FAM120AOS: variants seen among roughly 807,000 people sequenced by gnomAD.
FAM120AOS encodes the protein family with sequence similarity 120 member A opposite strand.
FAM120AOS carries 15 observed loss-of-function variants against 20.2 expected under a neutral mutation model. The ratio of observed to expected loss-of-function variants is 0.74; its 90% CI spans 0.50 to 1.15. The LOEUF is 1.15. Among genes scored for constraint, FAM120AOS ranks in the 50% most tolerant of loss-of-function variants. The pLI is 0.00. For missense variants in FAM120AOS, 327 were observed against 351.9 expected, an observed-to-expected ratio of 0.93 and a Z score of 0.57; for synonymous variants, 154 against 154.0, an observed-to-expected ratio of 1.00 and a Z score of 0.00.
rs147899245 is a variant in FAM120AOS at position 93,444,772 on chromosome 9, G to A, written c.*2839C>T. 5.9e-5 allele frequency among the ~76,000 whole-genome samples: 9 copies of A among 152,092 alleles called. 1 individual carries two copies. The highest frequency in any genetic ancestry group is 1.3e-4 in the Non-Finnish European group (9 of 67,984). ...TGGGATTACAGGCATGTGCCACCAC[G>A]CCTAGCTGATTTTGTATTTTTAGTA... On this transcript the variant is annotated 3_prime_UTR_variant, in exon 3 of 3. Coordinates refer to ENST00000375412, the MANE Select transcript of FAM120AOS (RefSeq NM_198841.4).
Position 93,451,705 on chromosome 9 carries a change from A to AGCG in FAM120AOS, c.563+439_563+441dup, listed in dbSNP as rs1299136962. The stretch of plus-strand genomic sequence containing the variant: ...TCGGCCTCGGCCTCGCAGCGGCGGC[A>AGCG]GCGGCGGCGGCGGCAGGTCCCTCCC... On this transcript the variant is annotated intron_variant, in intron 1 of 2. Coordinates refer to ENST00000375412, the MANE Select transcript of FAM120AOS (RefSeq NM_198841.4). 27 of 970,586 alleles carry AGCG rather than the reference A, an allele frequency of 2.8e-5. No individual in the cohort carries two copies. In the East Asian group the frequency reaches 3.9e-4, roughly 14 times the overall value. 60.1% of individuals were successfully genotyped at this position (970,586 alleles called of 1,614,324 possible).
At chr9:93,450,797 T>A (rs1445475632) in intron 1 of FAM120AOS, 198 bp from the exon 2 acceptor site, 5 of 983,818 alleles carry the variant, frequency 5.1e-6, no homozygotes, top group African/African-American at 3.2e-5. Flanking sequence ...AGAATTTACG[T>A]AAACGACCTC....
intron 1 of FAM120AOS, chr9:93,451,624 C>T (rs936130129): frequency 7.2e-5 from 71 of 982,042 alleles, no homozygotes; most frequent in Non-Finnish European, 8.2e-5. Flanking sequence ...CCGCGCCGGG[C>T]GGGTCCGCTA....
At chr9:93,451,198 C>A in intron 1 of FAM120AOS, 1 of 1,538,808 alleles carries the variant, frequency 6.5e-7, no homozygotes, top group East Asian at 2.5e-5. Context: ...GCAGCAGGCC[C>A]AGAGTGGTGC....
In FAM120AOS at chr9:93,452,443, C is replaced by A. The variant is rs776773791; in HGVS notation, c.267G>T (p.Gly89=). Residue 89 remains glycine (G), a synonymous_variant, in exon 1 of 3, where the codon GGG becomes GGT. Transcript: ENST00000375412. The surrounding 1 kb of genome is among the most constrained non-coding windows in gnomAD (Gnocchi z 7.0). The part of the protein sequence containing the change: ...GRATFCALGR[G]IGVRRGPGPR... Reference sequence around the variant, plus strand: ...GACCGGGGCCGCGCCGCACCCCTATCCCCCTTCCCAGGGCGCAGAATGTCG... The same window carrying A: ...GACCGGGGCCGCGCCGCACCCCTATACCCCTTCCCAGGGCGCAGAATGTCG... 2 of 1,560,190 alleles carry A rather than the reference C, an allele frequency of 1.3e-6. No homozygotes were observed. The highest frequency in any genetic ancestry group is 8.7e-7 in the Non-Finnish European group (1 of 1,155,212).
In FAM120AOS at chr9:93,447,601, C is replaced by T. The variant is rs1588739226; in HGVS notation, c.*10G>A. ...CTTTCAATGCCTCTGCAGAACTTGACCCTAGTTTTTCAAATTGGACTCAAG... is the reference window on the plus strand; with the variant it reads ...CTTTCAATGCCTCTGCAGAACTTGATCCTAGTTTTTCAAATTGGACTCAAG... On this transcript the variant is annotated 3_prime_UTR_variant, in exon 3 of 3. Coordinates refer to ENST00000375412, the MANE Select transcript of FAM120AOS (RefSeq NM_198841.4). 1 of 1,612,740 alleles carries T rather than the reference C, an allele frequency of 6.2e-7. No homozygotes were observed. The highest frequency in any genetic ancestry group is 8.5e-7 in the Non-Finnish European group (1 of 1,179,060).
intron 1 of FAM120AOS, chr9:93,450,831 A>G: frequency 1.1e-6 from 1 of 905,754 alleles, no homozygotes; most frequent in Non-Finnish European, 1.8e-6. Flanking sequence ...CTACTAAAGC[A>G]ACAAGATTCA....
chr9:93,450,949 G>T, intron 1 of FAM120AOS: 1 of 1,354,812 alleles, frequency 7.4e-7, no homozygotes, highest in Non-Finnish European at 1.0e-6. Flanking sequence ...ACAGACCTGT[G>T]CTCTCAAGAC....
chr9:93,452,898 T>C lies in FAM120AOS; in HGVS notation c.-189A>G, dbSNP rs41274394. On this transcript the variant is annotated 5_prime_UTR_variant, in exon 1 of 3. Transcript: ENST00000375412. The surrounding 1 kb of genome is among the most constrained non-coding windows in gnomAD (Gnocchi z 7.0). ...GTGCTGCTGCCGCCGCCCTTGCCAATGTTGTTAGCCCGGTGACAGCGAGAC... is the reference window on the plus strand; with the variant it reads ...GTGCTGCTGCCGCCGCCCTTGCCAACGTTGTTAGCCCGGTGACAGCGAGAC... 26,614 of 1,440,458 alleles carry C rather than the reference T, an allele frequency of 0.018. 315 individuals are homozygous for C. Among genetic ancestry groups the C allele is most frequent in the African/African-American group, 0.031 (2,157 of 69,616 alleles). The allele number at this position is 1,440,458 out of a possible 1,614,324, so 89.2% of individuals were successfully genotyped here.
intron 1 of FAM120AOS, chr9:93,450,883 G>A: frequency 1.0e-6 from 1 of 955,626 alleles, no homozygotes; most frequent in East Asian, 2.6e-5. Context: ...CACTGCAAAG[G>A]CGCACGTTTC....
chr9:93,451,084 G>C (rs1180665741), intron 1 of FAM120AOS: 2 of 1,550,522 alleles, frequency 1.3e-6, no homozygotes, highest in African/African-American at 1.4e-5. Context: ...GCTGGGATGA[G>C]CACCTGCCGC....
chr9:93,450,229 T>G (rs1201836216), intron 2 of FAM120AOS, among the ~76,000 whole-genome samples: 1 of 152,106 alleles, frequency 6.6e-6, no homozygotes, highest in Non-Finnish European at 1.5e-5. Flanking sequence ...TCTCAAATGA[T>G]TCACCCGCCT....
At position 93,450,557 on chromosome 9, in the gene FAM120AOS, G is replaced by A. The variant is rs763507041; in HGVS notation, c.606C>T (p.Ala202=). 23 of 1,607,006 alleles carry A rather than the reference G, an allele frequency of 1.4e-5. No homozygotes were observed. Among genetic ancestry groups the A allele is most frequent in the Non-Finnish European group, 1.9e-5 (22 of 1,176,214 alleles). ...RGAGCNRQAV[A]GQLLPSTWSL... ...TCCATGTGCTGGGCAGCAGCTGTCC[G>A]GCCACAGCCTGTCGGTTGCATCCTG... Residue 202 remains alanine (A), a synonymous_variant, in exon 2 of 3, where the codon GCC becomes GCT. Transcript: ENST00000375412.
At chr9:93,449,492 ATT>A (rs10667664) in intron 2 of FAM120AOS, among the ~76,000 whole-genome samples, 40 of 109,508 alleles carry the variant, frequency 3.7e-4, no homozygotes, top group African/African-American at 1.3e-3. Context: ...TGGCACTGGC[ATT>A]TTTTTTTTTT....
At chr9:93,451,862 C>T (rs1857236133) in intron 1 of FAM120AOS, 2 of 1,038,166 alleles carry the variant, frequency 1.9e-6, no homozygotes, top group Non-Finnish European at 2.3e-6. Context: ...GGCCCCACCA[C>T]CCCCGGCCCC....
At chr9:93,450,416 C>T (rs932389735) in intron 2 of FAM120AOS, 63 bp downstream of exon 2, 2 of 1,512,774 alleles carry the variant, frequency 1.3e-6, no homozygotes. Context: ...AATTTATGTA[C>T]GTATGATACT....
rs917130602 is a variant in FAM120AOS at position 93,445,115 on chromosome 9, CTT to C, written c.*2494_*2495del. ...TTTAGAAGGCATAGCTCTACAGTCT[CTT>C]TGTCTTCTAAGGGCAGGGCATCTTC... On this transcript the variant is annotated 3_prime_UTR_variant, in exon 3 of 3. Transcript: ENST00000375412. Among the ~76,000 whole-genome samples, 2 of 152,150 alleles carry C rather than the reference CTT, an allele frequency of 1.3e-5. No homozygotes were observed. Among genetic ancestry groups the C allele is most frequent in the Admixed American group, 1.3e-4 (2 of 15,274 alleles).
Position 93,445,685 on chromosome 9 carries a change from G to C in FAM120AOS, c.*1926C>G, listed in dbSNP as rs1041091669. Among the ~76,000 whole-genome samples the C allele has an allele frequency of 7.0e-6, 1 of 142,442 alleles. No individual in the cohort carries two copies. The highest frequency in any genetic ancestry group is 1.5e-5 in the Non-Finnish European group (1 of 67,000). The allele number at this position is 142,442 out of a possible 152,430, so 93.4% of individuals were successfully genotyped here. Reference sequence around the variant, plus strand: ...GGCTCACTCCAACCTCCACCACCTTGGCTCAAGTAGTCTTCCCACCTCAGC... The same window carrying C: ...GGCTCACTCCAACCTCCACCACCTTCGCTCAAGTAGTCTTCCCACCTCAGC... On this transcript the variant is annotated 3_prime_UTR_variant, in exon 3 of 3. Transcript: ENST00000375412.
At position 93,452,653 on chromosome 9, in the gene FAM120AOS, G is replaced by A; in HGVS notation, c.57C>T (p.Ser19=). Reference sequence around the variant, plus strand: ...CACTTGAGGGCTGGGAGAGAGCCCCGGACCAGAATTCGGAGGCGACAGTGT... The same window carrying A: ...CACTTGAGGGCTGGGAGAGAGCCCCAGACCAGAATTCGGAGGCGACAGTGT... ...DDDTVASEFW[S]GALSQPSSVP... is the part of the protein sequence containing the mutation. Residue 19 remains serine (S), a synonymous_variant, in exon 1 of 3, where the codon TCC becomes TCT. Coordinates refer to ENST00000375412, the MANE Select transcript of FAM120AOS (RefSeq NM_198841.4). This position sits in a 1 kb window ranked among gnomAD's most constrained non-coding sequence, Gnocchi z 7.0. The A allele has an allele frequency of 1.9e-6, 3 of 1,599,028 alleles. No homozygotes were observed. The highest frequency in any genetic ancestry group is 2.2e-5 in the East Asian group (1 of 44,868).
Sources: gnomAD v4.1 joint callset for allele counts (sites outside exome capture counted in the v4.1 genomes callset) on GRCh38, gnomAD v4.1.1 for gene constraint, Gnocchi (gnomAD v3.1) non-coding constraint, MANE v1.5 for transcripts, NCBI Gene and HGNC (gene_info 2026-07-23, HGNC 2026-07-21) for gene names.